Variants in GAB2 observed in about 807,000 individuals in gnomAD.
The protein encoded by GAB2 is GRB2-associated-binding protein 2.
In GAB2, 26 loss-of-function variants were observed where a neutral mutation model predicts 65.5. The ratio of observed to expected loss-of-function variants is 0.40; its 90% CI spans 0.29 to 0.55. The LOEUF is 0.55. Among genes scored for constraint, GAB2 ranks in the 20% least tolerant of loss-of-function variants. The probability of loss-of-function intolerance (pLI) is 0.53; values close to 1 mark genes in which losing one functional copy is unlikely to be tolerated. For missense variants in GAB2, 884 were observed against 875.8 expected, an observed-to-expected ratio of 1.01 and a Z score of -0.12; for synonymous variants, 321 against 329.6, an observed-to-expected ratio of 0.97 and a Z score of 0.28.
At chr11:78,291,335 G>A (rs1181338387) in intron 1 of GAB2, among the ~76,000 whole-genome samples, 1 of 148,718 alleles carries the variant, frequency 6.7e-6, no homozygotes, top group Non-Finnish European at 1.5e-5. Context: ...GCGTGGTGGC[G>A]AGCACCTGTA....
chr11:78,253,466 A>AT (rs1029460879), intron 2 of GAB2, among the ~76,000 whole-genome samples: 12 of 151,744 alleles, frequency 7.9e-5, no homozygotes, highest in African/African-American at 2.2e-4. Flanking sequence ...CAATTTTTAA[A>AT]TTTTTTTTGT....
At chr11:78,299,524 C>T (rs529800790) in intron 1 of GAB2, among the ~76,000 whole-genome samples, 86 of 152,298 alleles carry the variant, frequency 5.6e-4, no homozygotes, top group African/African-American at 1.9e-3. Flanking sequence ...ATCTGGAGTC[C>T]AGTACACAGT....
At chr11:78,310,125 A>G (rs887065155) in intron 1 of GAB2, among the ~76,000 whole-genome samples, 1 of 152,104 alleles carries the variant, frequency 6.6e-6, no homozygotes, top group African/African-American at 2.4e-5. Flanking sequence ...TGTCCCACCT[A>G]CAATTTCAAT....
At chr11:78,326,009 G>A (rs1418392991) in intron 1 of GAB2, among the ~76,000 whole-genome samples, 1 of 152,088 alleles carries the variant, frequency 6.6e-6, no homozygotes, top group Non-Finnish European at 1.5e-5. Context: ...ATCCTATTCT[G>A]TTTTGTAGAG....
At chr11:78,317,087 T>C (rs1001062015) in intron 1 of GAB2, among the ~76,000 whole-genome samples, 2 of 151,872 alleles carry the variant, frequency 1.3e-5, no homozygotes, top group African/African-American at 4.8e-5. Context: ...AAGCCTAGAG[T>C]AGCCAGATTC....
rs74713334 is a variant in GAB2, at chr11:78,330,837, A to G, written c.76-49936T>C. Among the ~76,000 whole-genome samples, 41 of 151,818 alleles carry G rather than the reference A, an allele frequency of 2.7e-4. 1 individual carries two copies. The East Asian group carries it at 7.9e-3, about 29-fold the overall frequency. On this transcript the variant is annotated intron_variant, in intron 1 of 9. Transcript: ENST00000361507. The stretch of plus-strand genomic sequence containing the variant: ...ACTGTGGAACACCCTATGAAGTAGA[A>G]AGGTATTAGTTCTAGAATTTGCCTG...
intron 2 of GAB2, among the ~76,000 whole-genome samples, chr11:78,269,290 C>G (rs989033795): frequency 1.3e-5 from 2 of 152,060 alleles, no homozygotes; most frequent in African/African-American, 4.8e-5. Context: ...AGGAGTTGGT[C>G]TGATTTCAGT....
intron 9 of GAB2, 96 bp from the exon 10 acceptor site, chr11:78,219,511 G>T: frequency 1.8e-6 from 2 of 1,131,596 alleles, no homozygotes. Context: ...GCTGTCTGAA[G>T]GGGAGAAGAG....
intron 1 of GAB2, among the ~76,000 whole-genome samples, chr11:78,396,570 T>C (rs1262810095): frequency 6.6e-6 from 1 of 152,202 alleles, no homozygotes; most frequent in Non-Finnish European, 1.5e-5. Flanking sequence ...TAAAAACCTA[T>C]GTTGTAGATG....
intron 1 of GAB2, among the ~76,000 whole-genome samples, chr11:78,391,212 T>A (rs1856829794): frequency 6.6e-6 from 1 of 152,104 alleles, no homozygotes; most frequent in Non-Finnish European, 1.5e-5. Flanking sequence ...GGAGAATCGC[T>A]TGAGCCCGGG....
At chr11:78,312,286 TACC>T (rs558388058) in intron 1 of GAB2, among the ~76,000 whole-genome samples, 3 of 151,776 alleles carry the variant, frequency 2.0e-5, no homozygotes, top group Admixed American at 6.6e-5. Context: ...GTGTGGTCTT[TACC>T]ACCACCACCA....
chr11:78,317,301 C>T (rs1024505682), intron 1 of GAB2, among the ~76,000 whole-genome samples: 27 of 152,142 alleles, frequency 1.8e-4, no homozygotes, highest in Non-Finnish European at 3.8e-4. Flanking sequence ...CAGTGGCTCA[C>T]GCCTGTAATC....
chr11:78,357,804 G>A (rs564710826), intron 1 of GAB2, among the ~76,000 whole-genome samples: 9 of 152,184 alleles, frequency 5.9e-5, no homozygotes, highest in African/African-American at 9.7e-5. Context: ...AACAGGTGCT[G>A]GAGAGGATGT....
intron 1 of GAB2, among the ~76,000 whole-genome samples, chr11:78,407,659 A>AAGAAAGAAAGAAAGAAAGAAAGAGATGGC (rs1565188188): frequency 9.0e-4 from 38 of 42,336 alleles, no homozygotes; most frequent in African/African-American, 2.8e-3. Flanking sequence ...GAAAGAAAGT[A>AAGAAAGAAAGAAAGAAAGAAAGAGATGGC]AGAAAGAAAG....
intron 1 of GAB2, among the ~76,000 whole-genome samples, chr11:78,407,903 G>A (rs1321812146): frequency 6.6e-6 from 1 of 152,048 alleles, no homozygotes; most frequent in African/African-American, 2.4e-5. Context: ...GTATTTTACA[G>A]GTGCTCAAAG....
chr11:78,282,064 T>C (rs1251406615), intron 1 of GAB2, among the ~76,000 whole-genome samples: 11 of 152,234 alleles, frequency 7.2e-5, no homozygotes, highest in African/African-American at 2.7e-4. Context: ...TCATTGATGT[T>C]TCCTTAGTCC....
chr11:78,352,647 C>T (rs1165775154), intron 1 of GAB2, among the ~76,000 whole-genome samples: 1 of 152,052 alleles, frequency 6.6e-6, no homozygotes, highest in Non-Finnish European at 1.5e-5. Flanking sequence ...GGGGCTGAAT[C>T]AAAAGCAATT....
chr11:78,413,806 T>C (rs1258267115), intron 1 of GAB2, among the ~76,000 whole-genome samples: 2 of 152,090 alleles, frequency 1.3e-5, no homozygotes, highest in Non-Finnish European at 2.9e-5. Context: ...CCATGCAGGC[T>C]GGGCGCGGTG....
At chr11:78,284,852 T>A (rs1253154719) in intron 1 of GAB2, among the ~76,000 whole-genome samples, 1 of 152,174 alleles carries the variant, frequency 6.6e-6, no homozygotes, top group Non-Finnish European at 1.5e-5. Flanking sequence ...GTGTTTAGAA[T>A]ATTGCCTGGC....
Sources: gnomAD v4.1 joint callset for allele counts (sites outside exome capture counted in the v4.1 genomes callset) on GRCh38, gnomAD v4.1.1 for gene constraint, MANE v1.5 for transcripts, NCBI Gene and HGNC (gene_info 2026-07-23, HGNC 2026-07-21) for gene names.